EDN1: variants seen among roughly 807,000 people sequenced by gnomAD.
EDN1 encodes endothelin 1.
A neutral mutation model predicts 21.7 loss-of-function variants in EDN1; 11 were observed. The observed-to-expected ratio is 0.51, with a 90% CI of 0.32 to 0.84. The LOEUF is 0.84. Ranked by LOEUF, EDN1 falls within the 40% of genes least tolerant of loss-of-function variation. The pLI, the probability that EDN1 is intolerant of heterozygous loss-of-function variation, is 0.03. For missense variants in EDN1, 244 were observed against 262.3 expected, an observed-to-expected ratio of 0.93 and a Z score of 0.48; for synonymous variants, 85 against 90.6, an observed-to-expected ratio of 0.94 and a Z score of 0.35.
the EDN1 span, among the ~76,000 whole-genome samples, chr6:12,266,879 T>C: frequency 4.6e-5 from 7 of 152,274 alleles, no homozygotes; most frequent in Middle Eastern, 6.8e-3. Flanking sequence ...GAGAGATGTA[T>C]AGTGTCTCTC....
chr6:12,280,470 T>A, the EDN1 span, among the ~76,000 whole-genome samples: 2 of 152,234 alleles, frequency 1.3e-5, no homozygotes, highest in African/African-American at 2.4e-5. Context: ...TCCTAACACA[T>A]TTTCATAAAT....
chr6:12,292,576 TAG>T (rs1762712929), intron 2 of EDN1, 67 bp downstream of exon 2: 1 of 1,587,992 alleles, frequency 6.3e-7, no homozygotes, highest in Middle Eastern at 1.7e-4. Context: ...AGCCCAGTTT[TAG>T]AGTTTCTTTT....
chr6:12,285,010 C>T, the EDN1 span, among the ~76,000 whole-genome samples: 1 of 152,110 alleles, frequency 6.6e-6, no homozygotes, highest in Non-Finnish European at 1.5e-5. Context: ...ATAGAATGAA[C>T]ATTTAAAAGA....
chr6:12,287,420 T>G (rs1178873302), upstream of EDN1, among the ~76,000 whole-genome samples: 1 of 152,026 alleles, frequency 6.6e-6, no homozygotes, highest in Non-Finnish European at 1.5e-5. Context: ...CTTGTAAAAC[T>G]GGTTTGTTGG....
At chr6:12,277,579 T>A in the EDN1 span, among the ~76,000 whole-genome samples, 2 of 152,156 alleles carry the variant, frequency 1.3e-5, no homozygotes, top group African/African-American at 4.8e-5. Context: ...ATGGATAGAA[T>A]TACTCAGGAG....
chr6:12,253,200 A>G, the EDN1 span, among the ~76,000 whole-genome samples: 4 of 152,228 alleles, frequency 2.6e-5, no homozygotes, highest in Non-Finnish European at 5.9e-5. Context: ...CCAATGAGCA[A>G]TGAAATTAGC....
At chr6:12,254,608 A>C in the EDN1 span, among the ~76,000 whole-genome samples, 1 of 151,976 alleles carries the variant, frequency 6.6e-6, no homozygotes, top group Non-Finnish European at 1.5e-5. Context: ...AATGCAACCT[A>C]AGAATTTGGA....
chr6:12,241,168 T>TTTC, the EDN1 span, among the ~76,000 whole-genome samples: 1 of 146,346 alleles, frequency 6.8e-6, no homozygotes, highest in Non-Finnish European at 1.5e-5. Flanking sequence ...CTTTCTTTCT[T>TTTC]TTTTTTTTTT....
At chr6:12,263,968 C>G in the EDN1 span, among the ~76,000 whole-genome samples, 1 of 152,154 alleles carries the variant, frequency 6.6e-6, no homozygotes, top group South Asian at 2.1e-4. Context: ...TTGAACCTCA[C>G]TGAAATGTTT....
At chr6:12,294,128 T>G in intron 3 of EDN1, 32 bp downstream of exon 3, 10 of 1,614,130 alleles carry the variant, frequency 6.2e-6, no homozygotes, top group Non-Finnish European at 8.5e-6. Context: ...TTTCAATCAG[T>G]TTAACAGCCT....
In EDN1 at chr6:12,290,601, C is replaced by T. The variant is rs575125825; in HGVS notation, c.-29C>T. On this transcript the variant is annotated 5_prime_UTR_variant, in exon 1 of 5. It adds an upstream start codon to the 5' untranslated region. Transcript: ENST00000379375. ...CGTTTTCCTTTGGGTTCAGTTTGAACGGGAGGTTTTTGATCCCTTTTTTTC... is the reference window on the plus strand; with the variant it reads ...CGTTTTCCTTTGGGTTCAGTTTGAATGGGAGGTTTTTGATCCCTTTTTTTC... 13 of 1,601,136 alleles carry T rather than the reference C, an allele frequency of 8.1e-6. No homozygotes were observed. The highest frequency in any genetic ancestry group is 1.7e-4 in the Middle Eastern group (1 of 6,044).
chr6:12,251,459 A>T, the EDN1 span, among the ~76,000 whole-genome samples: 1 of 152,206 alleles, frequency 6.6e-6, no homozygotes. Context: ...TTCCAAGAAG[A>T]CATTACAAGT....
At chr6:12,263,673 C>T in the EDN1 span, among the ~76,000 whole-genome samples, 5 of 152,146 alleles carry the variant, frequency 3.3e-5, no homozygotes, top group East Asian at 3.8e-4. Context: ...ACAATGAGAT[C>T]GTGGAAGAGA....
At chr6:12,275,870 A>T in the EDN1 span, among the ~76,000 whole-genome samples, 1 of 151,972 alleles carries the variant, frequency 6.6e-6, no homozygotes, top group Non-Finnish European at 1.5e-5. Context: ...TAAGTTAAAA[A>T]ATAAGAATCG....
At chr6:12,243,044 C>A in the EDN1 span, among the ~76,000 whole-genome samples, 2 of 152,222 alleles carry the variant, frequency 1.3e-5, no homozygotes, top group South Asian at 4.2e-4. Context: ...ACTTTTGATT[C>A]CCCAAAAACT....
chr6:12,259,232 T>C, the EDN1 span, among the ~76,000 whole-genome samples: 1 of 151,920 alleles, frequency 6.6e-6, no homozygotes, highest in Non-Finnish European at 1.5e-5. Context: ...GGAGAGGACA[T>C]AAAATTAATA....
At chr6:12,243,143 A>C in the EDN1 span, among the ~76,000 whole-genome samples, 1 of 152,232 alleles carries the variant, frequency 6.6e-6, no homozygotes, top group African/African-American at 2.4e-5. Context: ...TATGTATTAT[A>C]TACTGTATTC....
At chr6:12,274,460 G>A in the EDN1 span, among the ~76,000 whole-genome samples, 1 of 152,056 alleles carries the variant, frequency 6.6e-6, no homozygotes, top group Admixed American at 6.5e-5. Flanking sequence ...CCTCCCTGAT[G>A]GAAAAAGTGG....
chr6:12,291,749 C>A (rs2248580), intron 1 of EDN1, among the ~76,000 whole-genome samples: 57,909 of 152,088 alleles, frequency 0.38, 13,297 homozygotes, highest in East Asian at 0.61. Context: ...GAGTTACCCT[C>A]CTGAATTGAA....
Sources: gnomAD v4.1 joint callset for allele counts (sites outside exome capture counted in the v4.1 genomes callset) on GRCh38, gnomAD v4.1.1 for gene constraint, MANE v1.5 for transcripts, NCBI Gene and HGNC (gene_info 2026-07-23, HGNC 2026-07-21) for gene names.